EEFSEC: variants seen among roughly 807,000 people sequenced by gnomAD.
EEFSEC encodes eukaryotic elongation factor, selenocysteine-tRNA specific.
Under a neutral mutation model 42.1 loss-of-function variants are expected in EEFSEC, and 43 were observed. That is an observed-to-expected ratio of 1.02 (90% CI 0.80 to 1.32). EEFSEC has a LOEUF of 1.32. EEFSEC is among the 40% of genes most tolerant of loss of function. EEFSEC has a pLI of 0.00. For synonymous variants in EEFSEC, 354 were observed against 339.1 expected, an observed-to-expected ratio of 1.04 and a Z score of -0.48; for missense variants, 745 against 803.6, an observed-to-expected ratio of 0.93 and a Z score of 0.88.
chr3:128,162,246 A>G (rs2065196486), intron 1 of EEFSEC, among the ~76,000 whole-genome samples: 1 of 152,174 alleles, frequency 6.6e-6, no homozygotes, highest in Non-Finnish European at 1.5e-5. Flanking sequence ...TACACACCAT[A>G]ACTAGAAGAT....
At chr3:128,271,002 G>A (rs1177170215) in intron 4 of EEFSEC, among the ~76,000 whole-genome samples, 2 of 152,124 alleles carry the variant, frequency 1.3e-5, no homozygotes, top group African/African-American at 4.8e-5. Context: ...GAAAATATTT[G>A]GTGAAAGGAA....
At chr3:128,391,682 T>C (rs1321006459) in intron 6 of EEFSEC, among the ~76,000 whole-genome samples, 2 of 152,208 alleles carry the variant, frequency 1.3e-5, no homozygotes, top group African/African-American at 4.8e-5. Flanking sequence ...TCAGGTGCTC[T>C]CTCATTCCTT....
chr3:128,401,372 G>A (rs1198842244), intron 6 of EEFSEC, among the ~76,000 whole-genome samples: 2 of 152,226 alleles, frequency 1.3e-5, no homozygotes, highest in Non-Finnish European at 2.9e-5. Flanking sequence ...CTGAGCCCGT[G>A]TGCTAGGCCC....
the EEFSEC span, among the ~76,000 whole-genome samples, chr3:128,416,889 C>T: frequency 6.6e-6 from 1 of 152,136 alleles, no homozygotes; most frequent in Non-Finnish European, 1.5e-5. Context: ...GGAGCTCACC[C>T]CTGTGTCATG....
At position 128,250,911 on chromosome 3, in the gene EEFSEC, G is replaced by GATT. The variant is rs1553747268; in HGVS notation, c.524+3868_524+3869insATT. Among the ~76,000 whole-genome samples the GATT allele has an allele frequency of 4.3e-3, 470 of 108,576 alleles. 4 individuals are homozygous for GATT. The highest frequency in any genetic ancestry group is 6.8e-3 in the Middle Eastern group (1 of 148). The allele number at this position is 108,576 out of a possible 152,430, so 71.2% of individuals were successfully genotyped here. ...TTTAAGTCATCTTTAGTTTTTTTTG[G>GATT]TTTTTTTTTTTTTTTTTTAGCAATG... On this transcript the variant is annotated intron_variant, in intron 2 of 6. Transcript: ENST00000254730.
chr3:128,175,014 A>G (rs1409616950), intron 1 of EEFSEC, among the ~76,000 whole-genome samples: 1 of 152,174 alleles, frequency 6.6e-6, no homozygotes. Context: ...ATTCAATAGG[A>G]TGCAGGATAA....
chr3:128,349,903 C>A (rs2067362646), intron 5 of EEFSEC, among the ~76,000 whole-genome samples: 1 of 152,190 alleles, frequency 6.6e-6, no homozygotes, highest in Non-Finnish European at 1.5e-5. Flanking sequence ...ATCATCAGTA[C>A]TATTTATTTG....
intron 6 of EEFSEC, among the ~76,000 whole-genome samples, chr3:128,390,161 A>ATGTTG (rs1410455839): frequency 6.6e-6 from 1 of 152,212 alleles, no homozygotes; most frequent in African/African-American, 2.4e-5. Flanking sequence ...CCTGGATATA[A>ATGTTG]TTTACATTGT....
intron 1 of EEFSEC, among the ~76,000 whole-genome samples, chr3:128,225,173 C>T (rs1366391468): frequency 6.6e-6 from 1 of 152,218 alleles, no homozygotes; most frequent in African/African-American, 2.4e-5. Flanking sequence ...TGAGGCAAGT[C>T]CAGCCCCAGC....
intron 4 of EEFSEC, among the ~76,000 whole-genome samples, chr3:128,286,383 T>C (rs2066586125): frequency 6.6e-6 from 1 of 152,194 alleles, no homozygotes; most frequent in African/African-American, 2.4e-5. Flanking sequence ...GAAAGGAGTA[T>C]CTATGTAATT....
chr3:128,279,562 C>T (rs755920475), intron 4 of EEFSEC, among the ~76,000 whole-genome samples: 1 of 152,238 alleles, frequency 6.6e-6, no homozygotes, highest in Non-Finnish European at 1.5e-5. Flanking sequence ...AGACACACCA[C>T]ATCCATGTTT....
At chr3:128,391,739 G>T (rs1271428419) in intron 6 of EEFSEC, among the ~76,000 whole-genome samples, 1 of 152,234 alleles carries the variant, frequency 6.6e-6, no homozygotes, top group Non-Finnish European at 1.5e-5. Context: ...CCCCTGGACT[G>T]TGGACTCCAC....
chr3:128,406,837 AAT>A (rs71278677), intron 6 of EEFSEC, among the ~76,000 whole-genome samples: 4 of 150,954 alleles, frequency 2.6e-5, no homozygotes, highest in South Asian at 2.1e-4. Context: ...CACACACACA[AAT>A]ATATATATAT....
At position 128,264,657 on chromosome 3, in the gene EEFSEC, C is replaced by T. The variant is rs367956823; in HGVS notation, c.662C>T (p.Ser221Leu). 1.5e-5 allele frequency: 25 copies of T among 1,614,102 alleles called. No homozygotes were observed. Among genetic ancestry groups the T allele is most frequent in the Admixed American group, 3.3e-5 (2 of 60,032 alleles). ...ATTTCCATCCCAACGAGAGATCCCTCGGGACCGTTCCTCATGTCTGTGGAC... is the reference window on the plus strand; with the variant it reads ...ATTTCCATCCCAACGAGAGATCCCTTGGGACCGTTCCTCATGTCTGTGGAC... Reference protein sequence around the residue: ...SQISIPTRDPSGPFLMSVDHC... With the variant: ...SQISIPTRDPLGPFLMSVDHC... The change falls in exon 4 of 7, where the codon TCG becomes TTG. Residue 221 changes from serine (S) to leucine (L), a missense_variant. By Grantham distance (145) the Ser-to-Leu change is moderately radical. Transcript: ENST00000254730.
intron 1 of EEFSEC, among the ~76,000 whole-genome samples, chr3:128,236,690 G>A (rs780867340): frequency 1.1e-4 from 16 of 152,064 alleles, no homozygotes; most frequent in Non-Finnish European, 1.9e-4. Flanking sequence ...TTCCTCAAAC[G>A]CATGTGGAGG....
chr3:128,311,083 CCTT>C (rs1458021555), intron 4 of EEFSEC, among the ~76,000 whole-genome samples: 1 of 152,216 alleles, frequency 6.6e-6, no homozygotes, highest in East Asian at 1.9e-4. Flanking sequence ...CAGGTGATAT[CCTT>C]CTAAGAAAAT....
intron 1 of EEFSEC, among the ~76,000 whole-genome samples, chr3:128,164,335 T>C (rs2065223816): frequency 6.6e-6 from 1 of 151,268 alleles, no homozygotes; most frequent in South Asian, 2.1e-4. Context: ...AGATGTGGAG[T>C]GGTAAGGGCT....
chr3:128,335,797 A>G (rs1466313735), intron 4 of EEFSEC, among the ~76,000 whole-genome samples: 1 of 152,180 alleles, frequency 6.6e-6, no homozygotes, highest in East Asian at 1.9e-4. Context: ...CAGTGCAGGG[A>G]CAGGAAGGGG....
intron 2 of EEFSEC, among the ~76,000 whole-genome samples, chr3:128,253,486 A>G (rs147649835): frequency 3.2e-4 from 48 of 152,274 alleles, no homozygotes; most frequent in African/African-American, 1.1e-3. Flanking sequence ...CCCATGGACT[A>G]TTGAGATGGT....
Sources: allele counts gnomAD v4.1 joint callset (sites outside exome capture counted in the v4.1 genomes callset), GRCh38; gene constraint gnomAD v4.1.1; transcripts MANE v1.5; gene names NCBI Gene and HGNC (gene_info 2026-07-23, HGNC 2026-07-21).